KIAA1217: variants seen among roughly 807,000 people sequenced by gnomAD.
KIAA1217 encodes the protein KIAA1217.
Under a neutral mutation model 163.9 loss-of-function variants are expected in KIAA1217, and 88 were observed. The observed-to-expected ratio is 0.54, with a 90% confidence interval of 0.45 to 0.64. The LOEUF is 0.64. Among genes scored for constraint, KIAA1217 ranks in the 30% least tolerant of loss-of-function variants. KIAA1217 has a pLI of 0.00. For synonymous variants in KIAA1217, 903 were observed against 923.1 expected (o/e 0.98, Z 0.39); for missense variants, 2,372 against 2,475.0 (o/e 0.96, Z 0.88).
chr10:24,064,584 A>C (rs2060863056), intron 2 of KIAA1217, among the ~76,000 whole-genome samples: 1 of 152,070 alleles, frequency 6.6e-6, no homozygotes, highest in African/African-American at 2.4e-5. Flanking sequence ...TTCATCAAGG[A>C]TATTGGTCTA....
At chr10:24,256,213 C>A (rs1460308767) in intron 2 of KIAA1217, among the ~76,000 whole-genome samples, 1 of 152,160 alleles carries the variant, frequency 6.6e-6, no homozygotes, top group Non-Finnish European at 1.5e-5. Flanking sequence ...CATCTTGTTC[C>A]TGCCTGACTA....
At chr10:23,852,469 T>G (rs1331057439) in intron 1 of KIAA1217, among the ~76,000 whole-genome samples, 1 of 152,200 alleles carries the variant, frequency 6.6e-6, no homozygotes, top group African/African-American at 2.4e-5. Flanking sequence ...GCTTTGTTCT[T>G]TTGGCTTAGG....
intron 1 of KIAA1217, among the ~76,000 whole-genome samples, chr10:23,958,299 G>A (rs890939139): frequency 6.6e-6 from 1 of 152,184 alleles, no homozygotes; most frequent in Non-Finnish European, 1.5e-5. Flanking sequence ...GTGCAGGTGG[G>A]TGGGAGGAAG....
chr10:24,241,214 G>A (rs2073053287), intron 2 of KIAA1217, among the ~76,000 whole-genome samples: 1 of 152,004 alleles, frequency 6.6e-6, no homozygotes, highest in Non-Finnish European at 1.5e-5. Flanking sequence ...TGGGAAATAC[G>A]ACATAATAAA....
intron 2 of KIAA1217, among the ~76,000 whole-genome samples, chr10:24,144,201 A>G (rs1176706141): frequency 6.6e-6 from 1 of 152,236 alleles, no homozygotes; most frequent in East Asian, 1.9e-4. Flanking sequence ...ATATTCAACA[A>G]GGGGCTACCT....
chr10:23,915,666 A>G (rs1842608389), intron 1 of KIAA1217, among the ~76,000 whole-genome samples: 3 of 152,206 alleles, frequency 2.0e-5, no homozygotes, highest in Non-Finnish European at 4.4e-5. Flanking sequence ...AGCTATTCCA[A>G]AACAAAGGGT....
At chr10:24,441,859 G>T (rs1424309015) in intron 5 of KIAA1217, among the ~76,000 whole-genome samples, 1 of 152,128 alleles carries the variant, frequency 6.6e-6, no homozygotes, top group African/African-American at 2.4e-5. Context: ...TCCATTTCAT[G>T]ACTCTCAAAA....
intron 10 of KIAA1217, among the ~76,000 whole-genome samples, chr10:24,518,829 C>G (rs986376828): frequency 6.6e-6 from 1 of 152,198 alleles, no homozygotes; most frequent in Non-Finnish European, 1.5e-5. Context: ...GGACAATGAG[C>G]AGATGAGGCT....
intron 4 of KIAA1217, among the ~76,000 whole-genome samples, chr10:24,434,976 C>A (rs1233494115): frequency 6.6e-6 from 1 of 152,146 alleles, no homozygotes; most frequent in Non-Finnish European, 1.5e-5. Context: ...TCACTGGAGG[C>A]AGAACTTGGG....
At chr10:23,714,288 CA>C (rs2130743436) in intron 1 of KIAA1217, among the ~76,000 whole-genome samples, 1 of 148,876 alleles carries the variant, frequency 6.7e-6, no homozygotes, top group South Asian at 2.1e-4. Flanking sequence ...CCACAGAAAT[CA>C]AACCCTAAGA....
intron 1 of KIAA1217, among the ~76,000 whole-genome samples, chr10:23,926,490 C>T (rs1303012266): frequency 5.3e-5 from 8 of 151,998 alleles, no homozygotes; most frequent in East Asian, 1.9e-4. Flanking sequence ...TTTGGGAGGG[C>T]GACGTGAGTG....
intron 2 of KIAA1217, among the ~76,000 whole-genome samples, chr10:24,281,072 G>T (rs986755498): frequency 5.3e-5 from 8 of 152,098 alleles, no homozygotes; most frequent in Non-Finnish European, 7.3e-5. Flanking sequence ...TTAAAACTTT[G>T]ATGTGTATTT....
intron 1 of KIAA1217, among the ~76,000 whole-genome samples, chr10:24,002,535 G>A (rs953332052): frequency 2.6e-5 from 4 of 152,240 alleles, no homozygotes; most frequent in African/African-American, 9.6e-5. Context: ...TGCTCCATCC[G>A]ACTTCAGATG....
chr10:24,535,034 G>A, intron 16 of KIAA1217, among the ~76,000 whole-genome samples: 1 of 152,230 alleles, frequency 6.6e-6, no homozygotes, highest in African/African-American at 2.4e-5. Context: ...TCTTGTTTCT[G>A]CACCTTCTCA....
chr10:24,105,086 G>T (rs577642489), intron 2 of KIAA1217, among the ~76,000 whole-genome samples: 3 of 151,112 alleles, frequency 2.0e-5, no homozygotes, highest in African/African-American at 7.4e-5. Context: ...TGATGATGAT[G>T]ATGATGAATA....
chr10:24,438,538 G>T (rs2060243575), intron 5 of KIAA1217, 59 bp downstream of exon 5: 8 of 1,124,664 alleles, frequency 7.1e-6, no homozygotes, highest in Admixed American at 1.7e-5. Flanking sequence ...CCCTCCTCTT[G>T]CTTGTACTCC....
At chr10:23,984,512 C>A (rs1335201604) in intron 1 of KIAA1217, among the ~76,000 whole-genome samples, 1 of 151,960 alleles carries the variant, frequency 6.6e-6, no homozygotes, top group African/African-American at 2.4e-5. Flanking sequence ...TGGAACCAAC[C>A]CAAATGCCCA....
intron 1 of KIAA1217, among the ~76,000 whole-genome samples, chr10:23,805,923 G>A (rs1195402949): frequency 6.9e-6 from 1 of 145,936 alleles, no homozygotes; most frequent in African/African-American, 2.6e-5. Flanking sequence ...GGCTGAGTGA[G>A]GAGAATCGCT....
Position 24,442,702 on chromosome 10 carries a change from T to G in KIAA1217, c.846+4223T>G, listed in dbSNP as rs1483422045. Among the ~76,000 whole-genome samples, 6 of 152,196 alleles carry G rather than the reference T, an allele frequency of 3.9e-5. No homozygotes were observed. In the South Asian group the frequency reaches 1.0e-3, roughly 26 times the overall value. ...CCTGTGTGTGTATGCATGCATATTT[T>G]GGGGAATGTGGGAGGAGGGATGTAA... On this transcript the variant is annotated intron_variant, in intron 5 of 20. Coordinates refer to ENST00000376454, the MANE Select transcript of KIAA1217 (RefSeq NM_019590.5).
Sources: allele counts gnomAD v4.1 joint callset (sites outside exome capture counted in the v4.1 genomes callset), GRCh38; gene constraint gnomAD v4.1.1; transcripts MANE v1.5; gene names NCBI Gene and HGNC (gene_info 2026-07-23, HGNC 2026-07-21).